SRGAP2: variants seen among roughly 807,000 people sequenced by gnomAD.
SRGAP2 encodes SLIT-ROBO Rho GTPase activating protein 2, also known as SLIT-ROBO Rho GTPase-activating protein 2.
SRGAP2 carries 15 observed loss-of-function variants against 57.2 expected under a neutral mutation model. The ratio of observed to expected loss-of-function variants is 0.26; its 90% CI spans 0.18 to 0.40. The LOEUF is 0.40. Ranked by LOEUF, SRGAP2 falls within the 10% of genes least tolerant of loss-of-function variation. The pLI is 1.00. For missense variants in SRGAP2, 520 were observed against 669.6 expected, an observed-to-expected ratio of 0.78 and a Z score of 2.47; for synonymous variants, 249 against 248.0, an observed-to-expected ratio of 1.00 and a Z score of -0.04.
At chr1:206,439,904 A>G (rs1662117235) in intron 16 of SRGAP2, 72 bp from the exon 17 acceptor site, 1 of 742,726 alleles carries the variant, frequency 1.3e-6, no homozygotes. Context: ...TGCTGGTAGT[A>G]GGGACTTCTG....
chr1:206,305,873 G>GT (rs1197139975), intron 3 of SRGAP2, among the ~76,000 whole-genome samples: 2,765 of 152,024 alleles, frequency 0.018, 83 homozygotes, highest in African/African-American at 0.064. Context: ...TCCTCCAGAG[G>GT]TTTTTTTCCT....
At chr1:206,430,060 G>C in intron 13 of SRGAP2, 102 bp from the exon 14 acceptor site, 1 of 730,072 alleles carries the variant, frequency 1.4e-6, no homozygotes, top group South Asian at 1.4e-5. Context: ...AGACCGGCTG[G>C]TGATCCGCTA....
chr1:206,373,099 C>CT lies in SRGAP2; in HGVS notation c.424-10897dup, dbSNP rs1192726235. On this transcript the variant is annotated intron_variant, in intron 4 of 22. Transcript: ENST00000573034. Reference sequence around the variant, plus strand: ...TTCTTTCTTTCTGTCCTTTTTTTTTCTTTTTTTTTTTTTTTTTTCTGAGTC... The same window carrying CT: ...TTCTTTCTTTCTGTCCTTTTTTTTTCTTTTTTTTTTTTTTTTTTTCTGAGTC... 3.3e-3 allele frequency among the ~76,000 whole-genome samples: 222 copies of CT among 66,434 alleles called. 3 individuals carry two copies. Among genetic ancestry groups the CT allele is most frequent in the Non-Finnish European group, 4.2e-3 (133 of 31,394 alleles). 43.6% of individuals were successfully genotyped at this position (66,434 alleles called of 152,430 possible).
chr1:206,456,725 G>T (rs1663868547), intron 21 of SRGAP2, among the ~76,000 whole-genome samples: 1 of 152,192 alleles, frequency 6.6e-6, no homozygotes, highest in African/African-American at 2.4e-5. Flanking sequence ...TCATCACCTG[G>T]TGGGTGGGTG....
rs1266715553 is a variant in SRGAP2 at position 206,437,900 on chromosome 1, T to G, written c.1634-64T>G. The stretch of plus-strand genomic sequence containing the variant: ...ATGCATGGTTCACCCCTTCCCCACG[T>G]TCGTCCTGTGTGTTTTTGCCTCTCT... On this transcript the variant is annotated intron_variant, in intron 15 of 22. Transcript: ENST00000573034. The G allele has an allele frequency of 3.9e-6, 3 of 772,888 alleles. No individual in the cohort carries two copies. The African/African-American group carries it at 5.1e-5, about 13-fold the overall frequency. 47.9% of individuals were successfully genotyped at this position (772,888 alleles called of 1,614,324 possible). A position where few individuals can be genotyped will look rare whatever the true frequency, so the allele number is the denominator to read the frequency against.
In SRGAP2 at chr1:206,366,342, T is replaced by C. The variant is rs577069284; in HGVS notation, c.424-17672T>C. On this transcript the variant is annotated intron_variant, in intron 4 of 22. Coordinates refer to ENST00000573034, the MANE Select transcript of SRGAP2 (RefSeq NM_015326.5). ...CTACAAGCTAGAAGGACATCTTGAT[T>C]AAATTAGTGTCAAGGGGGGTGGAGA... Among the ~76,000 whole-genome samples, 5 of 152,314 alleles carry C rather than the reference T, an allele frequency of 3.3e-5. No individual in the cohort carries two copies. In the South Asian group the frequency reaches 1.0e-3, roughly 32 times the overall value.
chr1:206,347,713 G>C (rs1172662419), intron 4 of SRGAP2, among the ~76,000 whole-genome samples: 2 of 150,416 alleles, frequency 1.3e-5, no homozygotes, highest in African/African-American at 5.0e-5. Flanking sequence ...ACAGAGAAGA[G>C]AAAATCCTGG....
intron 2 of SRGAP2, among the ~76,000 whole-genome samples, chr1:206,253,621 G>C (rs544794979): frequency 7.4e-6 from 1 of 134,892 alleles, no homozygotes; most frequent in African/African-American, 2.8e-5. Context: ...CGTCCCCCAG[G>C]CTGGAGTGCA....
chr1:206,253,933 G>A (rs1482555262), intron 2 of SRGAP2, among the ~76,000 whole-genome samples: 14 of 141,010 alleles, frequency 9.9e-5, no homozygotes, highest in Non-Finnish European at 3.1e-5. Context: ...TGACTGCAAA[G>A]GAAGTTCTAT....
intron 2 of SRGAP2, among the ~76,000 whole-genome samples, chr1:206,290,838 G>A (rs1404555511): frequency 1.3e-5 from 2 of 151,822 alleles, no homozygotes; most frequent in African/African-American, 4.8e-5. Context: ...GTCACACATA[G>A]CTAGTAGGTG....
At chr1:206,436,844 G>A (rs933409837) in intron 14 of SRGAP2, 121 bp from the exon 15 acceptor site, 1 of 720,460 alleles carries the variant, frequency 1.4e-6, no homozygotes, top group African/African-American at 1.7e-5. Context: ...TTGGCCTAAA[G>A]AAGAGAGACA....
intron 2 of SRGAP2, among the ~76,000 whole-genome samples, chr1:206,218,265 A>G (rs1482311468): frequency 2.6e-5 from 4 of 151,416 alleles, no homozygotes; most frequent in African/African-American, 4.9e-5. Context: ...GTGAGCCCAG[A>G]TCGCACCATT....
intron 3 of SRGAP2, among the ~76,000 whole-genome samples, chr1:206,327,025 C>T (rs1216351576): frequency 1.3e-5 from 2 of 151,674 alleles, no homozygotes; most frequent in African/African-American, 4.8e-5. Context: ...AAGACCCCAT[C>T]TCTGCAAAAA....
chr1:206,385,814 G>A (rs1331061407), intron 5 of SRGAP2, among the ~76,000 whole-genome samples: 1 of 152,192 alleles, frequency 6.6e-6, no homozygotes, highest in Non-Finnish European at 1.5e-5. Context: ...TGGCCATTGT[G>A]AGGCCATGGT....
intron 4 of SRGAP2, among the ~76,000 whole-genome samples, chr1:206,365,236 G>T (rs1653875042): frequency 1.5e-5 from 2 of 137,164 alleles, no homozygotes; most frequent in African/African-American, 5.6e-5. Context: ...TGGCCTACTT[G>T]ACCTAGGCGA....
chr1:206,418,443 C>T (rs1558410545), intron 11 of SRGAP2, among the ~76,000 whole-genome samples: 1 of 152,220 alleles, frequency 6.6e-6, no homozygotes, highest in Non-Finnish European at 1.5e-5. Context: ...TTTGCAAGAG[C>T]TTGGATAGGG....
intron 15 of SRGAP2, 91 bp downstream of exon 15, chr1:206,437,133 G>A (rs1553370356): frequency 1.3e-6 from 1 of 760,070 alleles, no homozygotes; most frequent in Non-Finnish European, 2.5e-6. Context: ...GTCCCCAGAG[G>A]TCAGGAAGCC....
intron 11 of SRGAP2, among the ~76,000 whole-genome samples, chr1:206,417,972 C>T (rs1553362628): frequency 4.0e-5 from 6 of 151,146 alleles, no homozygotes; most frequent in Non-Finnish European, 8.8e-5. Context: ...CATATGCGCT[C>T]ACATTTGTGT....
At chr1:206,248,697 C>T (rs188753195) in intron 2 of SRGAP2, among the ~76,000 whole-genome samples, 4 of 152,140 alleles carry the variant, frequency 2.6e-5, no homozygotes, top group African/African-American at 7.2e-5. Flanking sequence ...AATTTAGTAC[C>T]GTTTAGCTTT....
Sources: allele counts gnomAD v4.1 joint callset (sites outside exome capture counted in the v4.1 genomes callset), GRCh38; gene constraint gnomAD v4.1.1; transcripts MANE v1.5; gene names NCBI Gene and HGNC (gene_info 2026-07-23, HGNC 2026-07-21).